SRGAP2C: variants seen among roughly 807,000 people sequenced by gnomAD.
SRGAP2C encodes SLIT-ROBO Rho GTPase-activating protein 2C.
A neutral mutation model predicts 25.1 loss-of-function variants in SRGAP2C; 15 were observed. The observed-to-expected ratio is 0.60, with a 90% CI of 0.40 to 0.92. SRGAP2C has a LOEUF of 0.92. Ranked by LOEUF, SRGAP2C falls within the 40% of genes least tolerant of loss-of-function variation. The pLI is 0.00. For missense variants in SRGAP2C, 144 were observed against 264.4 expected (o/e 0.54, Z 3.16); for synonymous variants, 44 against 96.6 (o/e 0.46, Z 3.19).
intron 5 of SRGAP2C, among the ~76,000 whole-genome samples, chr1:121,370,326 G>A (rs1357386804): frequency 7.1e-6 from 1 of 141,010 alleles, no homozygotes; most frequent in African/African-American, 2.6e-5. Context: ...CCTATCCTCA[G>A]CTGAACCTTG....
chr1:121,324,447 A>G (rs1658274873), intron 3 of SRGAP2C, 31 bp from the exon 4 acceptor site: 6 of 1,608,496 alleles, frequency 3.7e-6, no homozygotes, highest in South Asian at 1.1e-5. Flanking sequence ...TGTATCAACA[A>G]TGACTTCTTT....
intron 2 of SRGAP2C, among the ~76,000 whole-genome samples, chr1:121,191,416 G>T (rs1455929151): frequency 6.6e-6 from 1 of 151,272 alleles, no homozygotes; most frequent in African/African-American, 2.4e-5. Context: ...TGTTGTATTG[G>T]TATTTTTATT....
At chr1:121,366,217 G>T (rs1459849837) in intron 5 of SRGAP2C, among the ~76,000 whole-genome samples, 3 of 148,252 alleles carry the variant, frequency 2.0e-5, no homozygotes, top group Admixed American at 6.8e-5. Flanking sequence ...TCTCCATCCT[G>T]TTTGAAGGTG....
intron 7 of SRGAP2C, among the ~76,000 whole-genome samples, chr1:121,377,460 CGGGT>C (rs1177309101): frequency 1.9e-5 from 1 of 53,944 alleles, no homozygotes; most frequent in African/African-American, 8.3e-5. Context: ...TTAGTAGAGA[CGGGT>C]TTTCACTGTG....
At chr1:121,281,064 GC>G (rs1367937104) in intron 2 of SRGAP2C, among the ~76,000 whole-genome samples, 1 of 148,878 alleles carries the variant, frequency 6.7e-6, no homozygotes, top group Admixed American at 6.8e-5. Flanking sequence ...GTATTCAGTG[GC>G]CCATTGTTTC....
rs1558125489 is a variant in SRGAP2C at position 121,354,318 on chromosome 1, CTTT to C, written c.424-10974_424-10972del. The stretch of plus-strand genomic sequence containing the variant: ...TCTTTCTTTCTTTCTTTCTTTCTTT[CTTT>C]CTTTCTTTTCTTTCTCTCTCTCTCT... On this transcript the variant is annotated intron_variant, in intron 4 of 9. Transcript: ENST00000367123. Among the ~76,000 whole-genome samples the C allele has an allele frequency of 4.0e-5, 2 of 49,942 alleles. 1 individual carries two copies. Among genetic ancestry groups the C allele is most frequent in the Admixed American group, 4.7e-4 (2 of 4,240 alleles). 32.8% of individuals were successfully genotyped at this position (49,942 alleles called of 152,430 possible).
intron 3 of SRGAP2C, among the ~76,000 whole-genome samples, chr1:121,314,609 G>A (rs1378059371): frequency 2.7e-5 from 4 of 150,878 alleles, no homozygotes; most frequent in South Asian, 2.1e-4. Flanking sequence ...TTTTCGGTGT[G>A]GATGTCCTTT....
chr1:121,337,527 G>T (rs1311522318), intron 4 of SRGAP2C, among the ~76,000 whole-genome samples: 34 of 151,612 alleles, frequency 2.2e-4, no homozygotes, highest in African/African-American at 7.8e-4. Context: ...AGCTACTCAG[G>T]AGGCTTAGGG....
At chr1:121,239,214 ATATATATATATATAC>A (rs1656047655) in intron 2 of SRGAP2C, among the ~76,000 whole-genome samples, 3 of 5,942 alleles carry the variant, frequency 5.0e-4, no homozygotes, top group East Asian at 0.031. Flanking sequence ...ATATATATAT[ATATATATATATATAC>A]TATATATATA....
intron 2 of SRGAP2C, among the ~76,000 whole-genome samples, chr1:121,283,532 G>T (rs1399877559): frequency 6.6e-6 from 1 of 151,190 alleles, no homozygotes; most frequent in Non-Finnish European, 1.5e-5. Flanking sequence ...CCATAATGAT[G>T]CATTACATAG....
At chr1:121,266,002 G>A (rs1204189966) in intron 2 of SRGAP2C, among the ~76,000 whole-genome samples, 1 of 151,864 alleles carries the variant, frequency 6.6e-6, no homozygotes, top group African/African-American at 2.4e-5. Context: ...TTGAGATGGA[G>A]TCTCACTCTG....
At chr1:121,249,566 ATATATATATATATATTTTT>A (rs1389503111) in intron 2 of SRGAP2C, among the ~76,000 whole-genome samples, 67 of 33,186 alleles carry the variant, frequency 2.0e-3, no homozygotes, top group African/African-American at 8.1e-3. Flanking sequence ...ATATATATAT[ATATATATATATATATTTTT>A]TTTTTTTTTT....
Position 121,275,690 on chromosome 1 carries a change from A to G in SRGAP2C, c.68-9113A>G, listed in dbSNP as rs1175242893. ...GGCTTTATGAGATTGTCTTCTGTGCATTCACTTGGGGCTGGAAAGTTAATG... is the reference window on the plus strand; with the variant it reads ...GGCTTTATGAGATTGTCTTCTGTGCGTTCACTTGGGGCTGGAAAGTTAATG... On this transcript the variant is annotated intron_variant, in intron 2 of 9. Coordinates refer to ENST00000367123, the MANE Select transcript of SRGAP2C (RefSeq NM_001329984.2). Among the ~76,000 whole-genome samples the G allele has an allele frequency of 5.3e-5, 8 of 151,254 alleles. 1 individual carries two copies.
At chr1:121,190,258 C>T (rs1373577533) in intron 2 of SRGAP2C, among the ~76,000 whole-genome samples, 1 of 147,450 alleles carries the variant, frequency 6.8e-6, no homozygotes, top group Non-Finnish European at 1.5e-5. Context: ...CTTACAGATG[C>T]CAAGATAAAA....
At chr1:121,374,756 C>T in intron 6 of SRGAP2C, 70 bp from the exon 7 acceptor site, 1 of 727,510 alleles carries the variant, frequency 1.4e-6, no homozygotes, top group South Asian at 1.5e-5. Context: ...ATACACTGTA[C>T]TTTTATCTTT....
At chr1:121,295,911 G>A (rs1324969725) in intron 3 of SRGAP2C, among the ~76,000 whole-genome samples, 10 of 152,220 alleles carry the variant, frequency 6.6e-5, no homozygotes, top group Admixed American at 1.3e-4. Flanking sequence ...ACAGGCATGC[G>A]CCATGACGCC....
chr1:121,286,767 C>G (rs2101570395), intron 3 of SRGAP2C, among the ~76,000 whole-genome samples: 1 of 151,232 alleles, frequency 6.6e-6, no homozygotes, highest in African/African-American at 2.4e-5. Flanking sequence ...CCCTCTACAT[C>G]TGGAAAGCCT....
chr1:121,275,764 C>G (rs1414761357), intron 2 of SRGAP2C, among the ~76,000 whole-genome samples: 1 of 140,808 alleles, frequency 7.1e-6, no homozygotes, highest in African/African-American at 2.7e-5. Context: ...TTCTTCTTCT[C>G]TTTCCCACTA....
At chr1:121,188,097 A>G (rs1203030607) in intron 2 of SRGAP2C, among the ~76,000 whole-genome samples, 17 of 152,266 alleles carry the variant, frequency 1.1e-4, no homozygotes, top group African/African-American at 3.4e-4. Flanking sequence ...ACAATCAGAG[A>G]TCAGAGAATA....
Sources: allele counts gnomAD v4.1 joint callset (sites outside exome capture counted in the v4.1 genomes callset), GRCh38; gene constraint gnomAD v4.1.1; transcripts MANE v1.5; gene names NCBI Gene and HGNC (gene_info 2026-07-23, HGNC 2026-07-21).